FOXK1: variants seen among roughly 807,000 people sequenced by gnomAD.
FOXK1 encodes the protein forkhead box K1.
In FOXK1, 19 loss-of-function variants were observed where a neutral mutation model predicts 51.9. The ratio of observed to expected loss-of-function variants is 0.37; its 90% CI spans 0.26 to 0.54. The LOEUF (loss-of-function observed/expected upper bound fraction) is 0.54, where lower values mean the gene tolerates loss of function less well. Among genes scored for constraint, FOXK1 ranks in the 20% least tolerant of loss-of-function variants. The probability of loss-of-function intolerance (pLI) is 0.87; values close to 1 mark genes in which losing one functional copy is unlikely to be tolerated. For synonymous variants in FOXK1, 537 were observed against 482.6 expected, an observed-to-expected ratio of 1.11 and a Z score of -1.48; for missense variants, 870 against 1,032.7, an observed-to-expected ratio of 0.84 and a Z score of 2.16.
chr7:4,754,510 C>T lies in FOXK1; in HGVS notation c.798C>T (p.Tyr266=). 1 of 1,613,016 alleles carries T rather than the reference C, an allele frequency of 6.2e-7. No homozygotes were observed. Among genetic ancestry groups the T allele is most frequent in the Non-Finnish European group, 8.5e-7 (1 of 1,180,034 alleles). The change falls in exon 3 of 9, where the codon TAC becomes TAT. Residue 266 remains tyrosine, a synonymous_variant. Coordinates refer to ENST00000328914, the MANE Select transcript of FOXK1 (RefSeq NM_001037165.2). ...CACGCGGTGCCGGCTCCTCCAGTTACCGCTTTGTGCAGAACGTGACCTCGG... is the reference window on the plus strand; with the variant it reads ...CACGCGGTGCCGGCTCCTCCAGTTATCGCTTTGTGCAGAACGTGACCTCGG... The part of the protein sequence containing the change: ...ASPRGAGSSS[Y]RFVQNVTSDL...
intron 1 of FOXK1, among the ~76,000 whole-genome samples, chr7:4,706,625 C>T (rs1478685078): frequency 6.6e-6 from 1 of 152,170 alleles, no homozygotes; most frequent in African/African-American, 2.4e-5. Context: ...TGAGGTAATG[C>T]CAACAGTCAC....
At chr7:4,741,554 C>G (rs934378107) in intron 2 of FOXK1, among the ~76,000 whole-genome samples, 24 of 152,292 alleles carry the variant, frequency 1.6e-4, no homozygotes, top group African/African-American at 4.1e-4. Context: ...TGGTCTCGAA[C>G]TCCCAACCTC....
intron 1 of FOXK1, among the ~76,000 whole-genome samples, chr7:4,721,201 T>G (rs2115047626): frequency 6.6e-6 from 1 of 152,294 alleles, no homozygotes; most frequent in African/African-American, 2.4e-5. Context: ...CTTGGCTCAA[T>G]GCAGCAGCTC....
intron 2 of FOXK1, among the ~76,000 whole-genome samples, chr7:4,750,694 C>T (rs1039975910): frequency 4.7e-5 from 7 of 149,510 alleles, no homozygotes; most frequent in Non-Finnish European, 1.0e-4. Flanking sequence ...GTCATCCACC[C>T]GCCTCGGTCT....
At chr7:4,750,343 C>T (rs1172486268) in intron 2 of FOXK1, among the ~76,000 whole-genome samples, 3 of 152,146 alleles carry the variant, frequency 2.0e-5, no homozygotes, top group South Asian at 2.1e-4. Flanking sequence ...TGGAATTGAG[C>T]TGGTGGTCCC....
chr7:4,760,370 G>A (rs1278913447), intron 7 of FOXK1, among the ~76,000 whole-genome samples: 2 of 152,164 alleles, frequency 1.3e-5, no homozygotes, highest in Non-Finnish European at 2.9e-5. Context: ...GTTAGGCAGC[G>A]CCCTCCTAGG....
In FOXK1 at chr7:4,707,695, T is replaced by G. The variant is rs996927861; in HGVS notation, c.560+24827T>G. Among the ~76,000 whole-genome samples the G allele has an allele frequency of 6.6e-6, 1 of 151,882 alleles. No homozygotes were observed. ...CGACCAGTACTCCATTTCACTTTTT[T>G]TTTTTTTGAGACGGACTCTCTCTCC... On this transcript the variant is annotated intron_variant, in intron 1 of 8. Transcript: ENST00000328914. The surrounding 1 kb of genome is among the most constrained non-coding windows in gnomAD (Gnocchi z 4.1).
chr7:4,729,104 G>C lies in FOXK1; in HGVS notation c.561-11734G>C, dbSNP rs568110660. On this transcript the variant is annotated intron_variant, in intron 1 of 8. Transcript: ENST00000328914. The surrounding 1 kb of genome is among the most constrained non-coding windows in gnomAD (Gnocchi z 6.2). ...GAGGGTTGCAGAACACTGTGTCTGT[G>C]TCCGCTGTCTTAAAGAGCCTAGTCC... is the stretch of plus-strand genomic sequence containing the variant. 6.6e-6 allele frequency among the ~76,000 whole-genome samples: 1 copy of C among 152,240 alleles called. No individual in the cohort carries two copies. The highest frequency in any genetic ancestry group is 2.4e-5 in the African/African-American group (1 of 41,468).
intron 2 of FOXK1, 30 bp from the exon 3 acceptor site, chr7:4,754,426 CCAT>C (rs777295649): frequency 2.5e-6 from 4 of 1,605,100 alleles, no homozygotes; most frequent in Non-Finnish European, 3.4e-6. Flanking sequence ...CTCTTCAGAG[CCAT>C]GAACTTACAG....
At chr7:4,726,032 C>A (rs2115051336) in intron 1 of FOXK1, among the ~76,000 whole-genome samples, 1 of 150,164 alleles carries the variant, frequency 6.7e-6, no homozygotes, top group Non-Finnish European at 1.5e-5. Flanking sequence ...TTTTTTTAAG[C>A]AGCGAAGACC....
At position 4,743,688 on chromosome 7, in the gene FOXK1, C is replaced by T. The variant is rs190975268; in HGVS notation, c.746+2665C>T. ...AGAAATGGTGGCCAAGACCAGCTCACGTGCTAGTGGAAGCTCACACCAGAA... is the reference window on the plus strand; with the variant it reads ...AGAAATGGTGGCCAAGACCAGCTCATGTGCTAGTGGAAGCTCACACCAGAA... On this transcript the variant is annotated intron_variant, in intron 2 of 8. Coordinates refer to ENST00000328914, the MANE Select transcript of FOXK1 (RefSeq NM_001037165.2). The surrounding 1 kb of genome is among the most constrained non-coding windows in gnomAD (Gnocchi z 5.3). Among the ~76,000 whole-genome samples the T allele has an allele frequency of 4.3e-4, 65 of 152,298 alleles. No individual in the cohort carries two copies. The highest frequency in any genetic ancestry group is 1.4e-3 in the African/African-American group (57 of 41,568).
At chr7:4,721,672 C>A (rs1028071140) in intron 1 of FOXK1, among the ~76,000 whole-genome samples, 1 of 145,232 alleles carries the variant, frequency 6.9e-6, no homozygotes, top group Admixed American at 7.2e-5. Flanking sequence ...CTCACTGCAA[C>A]CTCTCCCTCC....
Position 4,682,955 on chromosome 7 carries a change from C to CA in FOXK1, c.560+88dup. 7.6e-7 allele frequency: 1 copy of CA among 1,314,368 alleles called. No individual in the cohort carries two copies. The highest frequency in any genetic ancestry group is 1.0e-6 in the Non-Finnish European group (1 of 1,004,628). 81.4% of individuals were successfully genotyped at this position (1,314,368 alleles called of 1,614,324 possible). The stretch of plus-strand genomic sequence containing the variant: ...AGGCCCGGGCCTGGGGATCCCCCTC[C>CA]AGCTTCCTCGGCCTCGACCCCCACC... On this transcript the variant is annotated intron_variant, in intron 1 of 8. Coordinates refer to ENST00000328914, the MANE Select transcript of FOXK1 (RefSeq NM_001037165.2). This position sits in a 1 kb window ranked among gnomAD's most constrained non-coding sequence, Gnocchi z 7.6.
rs528142924 is a variant in FOXK1, at chr7:4,722,531, G to A, written c.561-18307G>A. ...CAGCCCAGTGCCAGCGTGCTGGGAC[G>A]GGTACACTCGTGCCTGTTAACCGCA... On this transcript the variant is annotated intron_variant, in intron 1 of 8. Transcript: ENST00000328914. This position sits in a 1 kb window ranked among gnomAD's most constrained non-coding sequence, Gnocchi z 5.1. 2.6e-5 allele frequency among the ~76,000 whole-genome samples: 4 copies of A among 152,292 alleles called. No homozygotes were observed. Among genetic ancestry groups the A allele is most frequent in the Admixed American group, 2.6e-4 (4 of 15,288 alleles).
chr7:4,716,744 G>A (rs1414993524), intron 1 of FOXK1, among the ~76,000 whole-genome samples: 1 of 152,232 alleles, frequency 6.6e-6, no homozygotes, highest in Non-Finnish European at 1.5e-5. Flanking sequence ...GTGTGAGAGG[G>A]GCTGTGGGTG....
intron 1 of FOXK1, among the ~76,000 whole-genome samples, chr7:4,739,841 C>T (rs751628699): frequency 6.6e-6 from 1 of 152,194 alleles, no homozygotes; most frequent in Non-Finnish European, 1.5e-5. Context: ...TTCAGTCTTC[C>T]AGTGTGTCAT....
chr7:4,739,088 C>T (rs765048425), intron 1 of FOXK1, among the ~76,000 whole-genome samples: 16 of 152,186 alleles, frequency 1.1e-4, no homozygotes, highest in East Asian at 9.6e-4. Context: ...TGTCTGCGCA[C>T]GTCCATGCAG....
intron 1 of FOXK1, among the ~76,000 whole-genome samples, chr7:4,686,645 C>T (rs925692526): frequency 2.8e-4 from 43 of 152,030 alleles, no homozygotes; most frequent in Non-Finnish European, 4.7e-4. Flanking sequence ...TGGCTGGGGC[C>T]GAGAATTTAT....
chr7:4,706,008 A>G (rs1195003253), intron 1 of FOXK1, among the ~76,000 whole-genome samples: 6 of 108,870 alleles, frequency 5.5e-5, no homozygotes, highest in Non-Finnish European at 8.5e-5. Flanking sequence ...ATATACGTAT[A>G]TATACGTATA....
Sources: allele counts gnomAD v4.1 joint callset (sites outside exome capture counted in the v4.1 genomes callset), GRCh38; gene constraint gnomAD v4.1.1; non-coding constraint Gnocchi (gnomAD v3.1); transcripts MANE v1.5; gene names NCBI Gene and HGNC (gene_info 2026-07-23, HGNC 2026-07-21).